Variants in PHACTR2 observed in about 807,000 individuals in gnomAD.
PHACTR2 encodes the protein chromosome 6 open reading frame 56.
Under a neutral mutation model 76.0 loss-of-function variants are expected in PHACTR2, and 30 were observed. The ratio of observed to expected loss-of-function variants is 0.39; its 90% CI spans 0.30 to 0.54. PHACTR2 has a LOEUF of 0.54. Among genes scored for constraint, PHACTR2 ranks in the 20% least tolerant of loss-of-function variants. The pLI, the probability that PHACTR2 is intolerant of heterozygous loss-of-function variation, is 0.61. For synonymous variants in PHACTR2, 292 were observed against 292.5 expected, an observed-to-expected ratio of 1.00 and a Z score of 0.02; for missense variants, 696 against 781.1, an observed-to-expected ratio of 0.89 and a Z score of 1.30.
intron 2 of PHACTR2, among the ~76,000 whole-genome samples, chr6:143,719,163 G>A (rs1313050326): frequency 4.0e-5 from 6 of 150,196 alleles, no homozygotes; most frequent in South Asian, 4.3e-4. Flanking sequence ...GATTACAGGC[G>A]TGAGCAACCG....
chr6:143,799,524 A>G (rs552671691), intron 11 of PHACTR2, among the ~76,000 whole-genome samples: 64 of 152,232 alleles, frequency 4.2e-4, no homozygotes, highest in African/African-American at 1.4e-3. Flanking sequence ...TGGGCATTTA[A>G]TGCTATAAAT....
chr6:143,700,572 G>A lies in PHACTR2; in HGVS notation c.47-11444G>A, dbSNP rs186337889. On this transcript the variant is annotated intron_variant, in intron 1 of 12. Coordinates refer to ENST00000440869, the MANE Select transcript of PHACTR2 (RefSeq NM_001100164.2). The surrounding 1 kb of genome is among the most constrained non-coding windows in gnomAD (Gnocchi z 4.1). ...CCATTGATTGGGGGCAGTGGGGAGGGGGGGCGAGAGGAGAACTGTGATATT... is the reference window on the plus strand; with the variant it reads ...CCATTGATTGGGGGCAGTGGGGAGGAGGGGCGAGAGGAGAACTGTGATATT... Among the ~76,000 whole-genome samples, 2 of 152,108 alleles carry A rather than the reference G, an allele frequency of 1.3e-5. No individual in the cohort carries two copies. The highest frequency in any genetic ancestry group is 2.4e-5 in the African/African-American group (1 of 41,416).
At chr6:143,560,882 G>GGTGTGT (rs36070460) in intron 1 of PHACTR2, among the ~76,000 whole-genome samples, 1,342 of 133,060 alleles carry the variant, frequency 0.01, 10 homozygotes, top group Middle Eastern at 0.026. Context: ...AAAGCAGAGG[G>GGTGTGT]GTGTGTGTGT....
rs948870440 is a variant in PHACTR2, at chr6:143,780,890, A to T, written c.1646-2329A>T. Among the ~76,000 whole-genome samples the T allele has an allele frequency of 6.6e-6, 1 of 152,218 alleles. No homozygotes were observed. The highest frequency in any genetic ancestry group is 2.4e-5 in the African/African-American group (1 of 41,460). ...TAATTAGTCCTCTAGTGAATCAAAAAATGAAGGAAGCATACAAAAAACTTG... is the reference window on the plus strand; with the variant it reads ...TAATTAGTCCTCTAGTGAATCAAAATATGAAGGAAGCATACAAAAAACTTG... On this transcript the variant is annotated intron_variant, in intron 9 of 12. Transcript: ENST00000440869. The surrounding 1 kb of genome is among the most constrained non-coding windows in gnomAD (Gnocchi z 4.4).
chr6:143,777,264 A>C lies in PHACTR2; in HGVS notation c.1590-64A>C. On this transcript the variant is annotated intron_variant, in intron 8 of 12. Transcript: ENST00000440869. The surrounding 1 kb of genome is among the most constrained non-coding windows in gnomAD (Gnocchi z 4.6). ...ATGAAAAATAGAGCTTTGTTGTTTTATTCTGAGTCTCCTACTAGGGTACCT... is the reference window on the plus strand; with the variant it reads ...ATGAAAAATAGAGCTTTGTTGTTTTCTTCTGAGTCTCCTACTAGGGTACCT... The C allele has an allele frequency of 1.2e-6, 1 of 830,142 alleles. No individual in the cohort carries two copies. The highest frequency in any genetic ancestry group is 2.0e-6 in the Non-Finnish European group (1 of 499,348). 51.4% of individuals were successfully genotyped at this position (830,142 alleles called of 1,614,324 possible). A position where few individuals can be genotyped will look rare whatever the true frequency, so the allele number is the denominator to read the frequency against.
intron 1 of PHACTR2, among the ~76,000 whole-genome samples, chr6:143,630,810 G>A (rs1776352057): frequency 2.0e-5 from 3 of 152,338 alleles, no homozygotes; most frequent in East Asian, 1.9e-4. Context: ...CACTGGTATG[G>A]ATCAGCCTTT....
rs1776092652 is a variant in PHACTR2 at position 143,807,581 on chromosome 6, G to A, written c.1922+448G>A. On this transcript the variant is annotated intron_variant, in intron 12 of 12. Transcript: ENST00000440869. This position sits in a 1 kb window ranked among gnomAD's most constrained non-coding sequence, Gnocchi z 5.5. The stretch of plus-strand genomic sequence containing the variant: ...ACATCATTTATTCTGCTCTTGAACA[G>A]ACTTAGTTGAAGTTGTATGCCCAGA... Among the ~76,000 whole-genome samples, 1 of 152,126 alleles carries A rather than the reference G, an allele frequency of 6.6e-6. No individual in the cohort carries two copies. Among genetic ancestry groups the A allele is most frequent in the Non-Finnish European group, 1.5e-5 (1 of 68,024 alleles).
In PHACTR2 at chr6:143,646,086, T is replaced by C. The variant is rs1042124568; in HGVS notation, c.13+37764T>C. Reference sequence around the variant, plus strand: ...TGTCAGAAACAATAGAATACTTTTTTTAATATTTTACATCAAAATGTATAT... The same window carrying C: ...TGTCAGAAACAATAGAATACTTTTTCTAATATTTTACATCAAAATGTATAT... On this transcript the variant is annotated intron_variant, in intron 1 of 11. Coordinates refer to the PHACTR2 transcript ENST00000305766. The surrounding 1 kb of genome is among the most constrained non-coding windows in gnomAD (Gnocchi z 4.1). 6.6e-6 allele frequency among the ~76,000 whole-genome samples: 1 copy of C among 152,200 alleles called. No homozygotes were observed. Among genetic ancestry groups the C allele is most frequent in the Non-Finnish European group, 1.5e-5 (1 of 68,028 alleles).
intron 2 of PHACTR2, among the ~76,000 whole-genome samples, chr6:143,736,905 T>G (rs1474126216): frequency 6.6e-6 from 1 of 151,856 alleles, no homozygotes; most frequent in Non-Finnish European, 1.5e-5. Context: ...TAACGTCTAT[T>G]CATGCTAGGT....
chr6:143,758,228 G>A (rs756585991), intron 4 of PHACTR2, among the ~76,000 whole-genome samples: 37 of 152,126 alleles, frequency 2.4e-4, no homozygotes, highest in Non-Finnish European at 4.1e-4. Flanking sequence ...AGGCAGAAAG[G>A]AAAAACATCC....
chr6:143,758,653 A>G (rs1779361159), intron 4 of PHACTR2, among the ~76,000 whole-genome samples: 1 of 152,186 alleles, frequency 6.6e-6, no homozygotes, highest in African/African-American at 2.4e-5. Context: ...AGGCAAAAAT[A>G]CAAAATAGCT....
At chr6:143,718,622 C>T (rs981047343) in intron 2 of PHACTR2, among the ~76,000 whole-genome samples, 3 of 152,156 alleles carry the variant, frequency 2.0e-5, no homozygotes, top group Admixed American at 6.5e-5. Context: ...GCCTGCTTTC[C>T]TCAGTGCACA....
rs1463921453 is a variant in PHACTR2 at position 143,558,359 on chromosome 6, T to C, written c.217+21152T>C. 1.3e-5 allele frequency among the ~76,000 whole-genome samples: 2 copies of C among 152,184 alleles called. No homozygotes were observed. Among genetic ancestry groups the C allele is most frequent in the African/African-American group, 4.8e-5 (2 of 41,434 alleles). On this transcript the variant is annotated intron_variant, in intron 1 of 11. Transcript: ENST00000367584. The surrounding 1 kb of genome is among the most constrained non-coding windows in gnomAD (Gnocchi z 4.7). ...ATGATAGGAGAAAAAAGATGTCTAC[T>C]TTTTTGCTTCAAAATCTTCAACTCT...
rs1775820048 is a variant in PHACTR2, at chr6:143,602,109, T to A, written c.217+64902T>A. Among the ~76,000 whole-genome samples the A allele has an allele frequency of 6.6e-6, 1 of 152,244 alleles. No individual in the cohort carries two copies. Among genetic ancestry groups the A allele is most frequent in the Non-Finnish European group, 1.5e-5 (1 of 68,048 alleles). Reference sequence around the variant, plus strand: ...GTTAACTATAGTCACCTCATTGTGCTGCCTAACATTAGTTCCTTTAGTTTT... The same window carrying A: ...GTTAACTATAGTCACCTCATTGTGCAGCCTAACATTAGTTCCTTTAGTTTT... On this transcript the variant is annotated intron_variant, in intron 1 of 11. Coordinates refer to the PHACTR2 transcript ENST00000367584. The surrounding 1 kb of genome is among the most constrained non-coding windows in gnomAD (Gnocchi z 6.1).
At chr6:143,707,488 C>T (rs1283392478) in intron 1 of PHACTR2, among the ~76,000 whole-genome samples, 1 of 152,126 alleles carries the variant, frequency 6.6e-6, no homozygotes, top group Non-Finnish European at 1.5e-5. Context: ...TCTAAATGGT[C>T]CTTCAGTTAC....
At chr6:143,607,348 G>A (rs1014015509), upstream of PHACTR2, among the ~76,000 whole-genome samples, 3 of 152,204 alleles carry the variant, frequency 2.0e-5, no homozygotes, top group African/African-American at 7.2e-5. Flanking sequence ...GATTTCTCCA[G>A]CACTGTGTTC....
chr6:143,797,681 C>T lies in PHACTR2; in HGVS notation c.1845+8771C>T, dbSNP rs1044977152. ...TTATTAAATAGGGAATCTTCCCCAT[C>T]GCTTGTATGTGTCAGGTTTGTCAAA... On this transcript the variant is annotated intron_variant, in intron 11 of 12. Transcript: ENST00000440869. Among the ~76,000 whole-genome samples the T allele has an allele frequency of 1.1e-4, 17 of 152,138 alleles. 1 individual carries two copies. Among genetic ancestry groups the T allele is most frequent in the South Asian group, 4.1e-4 (2 of 4,828 alleles).
At position 143,616,281 on chromosome 6, in the gene PHACTR2, T is replaced by C. The variant is rs370495527; in HGVS notation, c.13+7959T>C. Among the ~76,000 whole-genome samples the C allele has an allele frequency of 1.3e-5, 2 of 152,248 alleles. No homozygotes were observed. Among genetic ancestry groups the C allele is most frequent in the Non-Finnish European group, 1.5e-5 (1 of 68,044 alleles). ...AGGACTGGACTTTAGAATCATAATT[T>C]CCTTTCTTAGACCTGAATCATTCAG... is the stretch of plus-strand genomic sequence containing the variant. On this transcript the variant is annotated intron_variant, in intron 1 of 11. Transcript: ENST00000305766. The surrounding 1 kb of genome is among the most constrained non-coding windows in gnomAD (Gnocchi z 4.9).
In PHACTR2 at chr6:143,619,162, G is replaced by A. The variant is rs368400113; in HGVS notation, c.13+10840G>A. Among the ~76,000 whole-genome samples, 10 of 150,956 alleles carry A rather than the reference G, an allele frequency of 6.6e-5. No homozygotes were observed. The highest frequency in any genetic ancestry group is 1.0e-4 in the Non-Finnish European group (7 of 67,580). Reference sequence around the variant, plus strand: ...TTAAAATCTTCCTGCCTGTCTGTCTGTCCATCCATCCATCCATCTACCTGC... The same window carrying A: ...TTAAAATCTTCCTGCCTGTCTGTCTATCCATCCATCCATCCATCTACCTGC... On this transcript the variant is annotated intron_variant, in intron 1 of 11. Coordinates refer to the PHACTR2 transcript ENST00000305766. The surrounding 1 kb of genome is among the most constrained non-coding windows in gnomAD (Gnocchi z 4.5).
Sources: gnomAD v4.1 joint callset for allele counts (sites outside exome capture counted in the v4.1 genomes callset) on GRCh38, gnomAD v4.1.1 for gene constraint, Gnocchi (gnomAD v3.1) non-coding constraint, MANE v1.5 for transcripts, NCBI Gene and HGNC (gene_info 2026-07-23, HGNC 2026-07-21) for gene names.